ANKIB1: variants seen among roughly 807,000 people sequenced by gnomAD.
ANKIB1 encodes ankyrin repeat and IBR domain containing 1.
ANKIB1 carries 43 observed loss-of-function variants against 122.1 expected under a neutral mutation model. The ratio of observed to expected loss-of-function variants is 0.35; its 90% CI spans 0.28 to 0.45. The LOEUF is 0.45. ANKIB1 is among the 20% of genes least tolerant of loss of function. The probability of loss-of-function intolerance (pLI) is 1.00; values close to 1 mark genes in which losing one functional copy is unlikely to be tolerated. For missense variants in ANKIB1, 992 were observed against 1,329.5 expected (o/e 0.75, Z 3.95); for synonymous variants, 390 against 442.0 (o/e 0.88, Z 1.48).
Position 92,398,378 on chromosome 7 carries a change from C to T in ANKIB1, c.2699C>T (p.Pro900Leu), listed in dbSNP as rs1804945852. 6.2e-7 allele frequency: 1 copy of T among 1,613,064 alleles called. No individual in the cohort carries two copies. The highest frequency in any genetic ancestry group is 1.3e-5 in the African/African-American group (1 of 74,894). The part of the protein sequence containing the change: ...TSLPSRLDSV[P>L]RNTDSPRAAL... Reference sequence around the variant, plus strand: ...TTACCTTCCAGGCTGGACTCTGTCCCCAGAAATACAGATAGCCCTCGGGCT... The same window carrying T: ...TTACCTTCCAGGCTGGACTCTGTCCTCAGAAATACAGATAGCCCTCGGGCT... Residue 900 changes from proline (P) to leucine (L), a missense_variant, in exon 20 of 20, where the codon CCC becomes CTC. Pro to Leu is a moderately conservative substitution (Grantham distance 98). Around this residue, in one of 4 missense-constraint regions of ANKIB1, gnomAD observed 384 missense variants for 412.0 expected, o/e 0.93. Coordinates refer to ENST00000265742, the MANE Select transcript of ANKIB1 (RefSeq NM_019004.2).
rs184796596 is a variant in ANKIB1 at position 92,381,988 on chromosome 7, A to C, written c.1618-4521A>C. Among the ~76,000 whole-genome samples the C allele has an allele frequency of 8.5e-4, 130 of 152,306 alleles. 1 individual carries two copies. The East Asian group carries it at 0.02, about 23-fold the overall frequency. ...CAAGACTTATCAATGTGCTGTATTCAGGAGACCCATCTCATGTGCAGAGAC... is the reference window on the plus strand; with the variant it reads ...CAAGACTTATCAATGTGCTGTATTCCGGAGACCCATCTCATGTGCAGAGAC... On this transcript the variant is annotated intron_variant, in intron 11 of 19. Transcript: ENST00000265742.
intron 1 of ANKIB1, among the ~76,000 whole-genome samples, chr7:92,260,259 C>G (rs1801537103): frequency 6.6e-6 from 1 of 152,208 alleles, no homozygotes; most frequent in Non-Finnish European, 1.5e-5. Flanking sequence ...TAACACTGGC[C>G]TCCTTTTTGT....
chr7:92,316,759 A>C (rs769262017), intron 3 of ANKIB1, among the ~76,000 whole-genome samples: 78 of 152,180 alleles, frequency 5.1e-4, no homozygotes, highest in Non-Finnish European at 9.1e-4. Context: ...CAATGAATGA[A>C]GTCCACATTC....
intron 5 of ANKIB1, among the ~76,000 whole-genome samples, chr7:92,330,703 G>A (rs1330790061): frequency 2.6e-5 from 4 of 151,980 alleles, no homozygotes; most frequent in Non-Finnish European, 4.4e-5. Flanking sequence ...TTAGCAGGGC[G>A]TGGTGGTGGG....
chr7:92,352,407 G>A (rs1023418955), intron 8 of ANKIB1, 69 bp from the exon 9 acceptor site: 119 of 1,475,120 alleles, frequency 8.1e-5, no homozygotes, highest in Non-Finnish European at 1.0e-4. Context: ...TTACCATAGA[G>A]GTACACTCTG....
chr7:92,397,876 G>A lies in ANKIB1; in HGVS notation c.2532+17G>A, dbSNP rs772479046. On this transcript the variant is annotated intron_variant, in intron 19 of 19. Transcript: ENST00000265742. Reference sequence around the variant, plus strand: ...TCTCTTCAGGTAGCCTTTCTGAACAGCCTCATTGCCTGTGCTTTTACTCTT... The same window carrying A: ...TCTCTTCAGGTAGCCTTTCTGAACAACCTCATTGCCTGTGCTTTTACTCTT... The A allele has an allele frequency of 5.6e-6, 9 of 1,595,696 alleles. No individual in the cohort carries two copies. Among genetic ancestry groups the A allele is most frequent in the Non-Finnish European group, 7.7e-6 (9 of 1,175,850 alleles).
intron 1 of ANKIB1, among the ~76,000 whole-genome samples, chr7:92,292,991 TA>T (rs1802283099): frequency 6.6e-6 from 1 of 152,178 alleles, no homozygotes; most frequent in African/African-American, 2.4e-5. Context: ...TAATAACGCT[TA>T]AAAAACCCAA....
intron 1 of ANKIB1, among the ~76,000 whole-genome samples, chr7:92,257,354 A>G (rs894647206): frequency 6.6e-6 from 1 of 152,236 alleles, no homozygotes; most frequent in Non-Finnish European, 1.5e-5. Context: ...GCTAGATAGC[A>G]TACTTATTAA....
intron 10 of ANKIB1, among the ~76,000 whole-genome samples, chr7:92,364,005 G>A (rs143066017): frequency 1.4e-4 from 21 of 152,116 alleles, no homozygotes; most frequent in African/African-American, 4.3e-4. Flanking sequence ...TTCATGCACC[G>A]TTTAGTCAAC....
chr7:92,371,953 GTGTGTGTGTGTGTGT>G (rs1804268979), intron 11 of ANKIB1, among the ~76,000 whole-genome samples: 1 of 6,366 alleles, frequency 1.6e-4, no homozygotes, highest in African/African-American at 4.9e-4. Context: ...AGAGAGGGGT[GTGTGTGTGTGTGTGT>G]GTGTGTGTGT....
chr7:92,398,174 G>C, intron 19 of ANKIB1, 38 bp from the exon 20 acceptor site: 1 of 1,526,346 alleles, frequency 6.6e-7, no homozygotes, highest in Non-Finnish European at 8.8e-7. Context: ...GTTTTTTTCA[G>C]TCAAATTTTA....
rs377085611 is a variant in ANKIB1, at chr7:92,336,695, G to A, written c.788-6329G>A. On this transcript the variant is annotated intron_variant, in intron 5 of 19. Transcript: ENST00000265742. ...CTGGTCACCCTGAATCTAATCTCAG[G>A]TTCTTAAGCTAGTAAAATTTCAAGT... is the stretch of plus-strand genomic sequence containing the variant. Among the ~76,000 whole-genome samples, 4 of 152,088 alleles carry A rather than the reference G, an allele frequency of 2.6e-5. 1 individual carries two copies.
chr7:92,367,951 T>C (rs1747869348), intron 10 of ANKIB1, among the ~76,000 whole-genome samples: 1 of 151,766 alleles, frequency 6.6e-6, no homozygotes, highest in African/African-American at 2.4e-5. Context: ...ACGCTCAGAG[T>C]TCAAGACAAG....
intron 9 of ANKIB1, among the ~76,000 whole-genome samples, chr7:92,353,072 T>C (rs887738477): frequency 4.6e-5 from 7 of 152,200 alleles, no homozygotes; most frequent in Admixed American, 2.6e-4. Flanking sequence ...ATTAAAAATA[T>C]AAGCCTCTAG....
intron 4 of ANKIB1, 167 bp downstream of exon 4, chr7:92,319,679 C>A (rs1802864189): frequency 1.5e-6 from 1 of 670,796 alleles, no homozygotes; most frequent in Non-Finnish European, 2.4e-6. Context: ...CTAGGCCAAC[C>A]ACAGTGGCTC....
In ANKIB1 at chr7:92,327,802, C is replaced by T; in HGVS notation, c.689C>T (p.Pro230Leu). 6.3e-7 allele frequency: 1 copy of T among 1,578,894 alleles called. No homozygotes were observed. The highest frequency in any genetic ancestry group is 8.5e-7 in the Non-Finnish European group (1 of 1,169,920). The stretch of plus-strand genomic sequence containing the variant: ...TCAAAGCCATATGAAGGATTAAGGC[C>T]TCAGGATCTTCGTAGACTAAAAGAT... The part of the protein sequence containing the change: ...DKREPYEGLR[P>L]QDLRRLKDML... The change falls in exon 5 of 20, where the codon CCT becomes CTT. Residue 230 changes from proline to leucine, a missense_variant. Physicochemically the swap from Pro to Leu is moderately conservative, Grantham distance 98 (BLOSUM62 -3). Transcript: ENST00000265742.
intron 1 of ANKIB1, among the ~76,000 whole-genome samples, chr7:92,273,896 C>G (rs1414694283): frequency 6.6e-6 from 1 of 152,000 alleles, no homozygotes; most frequent in African/African-American, 2.4e-5. Context: ...CCTCAGCCTC[C>G]TGAGTAGCAG....
chr7:92,318,003 A>G (rs754436301), intron 3 of ANKIB1, among the ~76,000 whole-genome samples: 12 of 152,164 alleles, frequency 7.9e-5, no homozygotes, highest in Non-Finnish European at 1.5e-4. Flanking sequence ...GTGTCCAGTC[A>G]TGGTTAAAAA....
intron 1 of ANKIB1, among the ~76,000 whole-genome samples, chr7:92,291,589 G>A (rs1259120462): frequency 2.9e-5 from 1 of 34,712 alleles, no homozygotes; most frequent in Non-Finnish European, 5.9e-5. Flanking sequence ...TTTTTTTTTT[G>A]AGACAGAGTC....
Sources: allele counts gnomAD v4.1 joint callset (sites outside exome capture counted in the v4.1 genomes callset), GRCh38; gene constraint gnomAD v4.1.1; regional missense constraint gnomAD v4.1.1; transcripts MANE v1.5; gene names NCBI Gene and HGNC (gene_info 2026-07-23, HGNC 2026-07-21).